KCTD8: variants seen among roughly 807,000 people sequenced by gnomAD.
The protein encoded by KCTD8 is potassium channel tetramerization domain containing 8.
In KCTD8, 27 loss-of-function variants were observed where a neutral mutation model predicts 31.5. That is an observed-to-expected ratio of 0.86 (90% CI 0.63 to 1.18). The LOEUF (loss-of-function observed/expected upper bound fraction) is 1.18. Among genes scored for constraint, KCTD8 ranks in the 50% most tolerant of loss-of-function variants. KCTD8 has a pLI of 0.00. For synonymous variants in KCTD8, 290 were observed against 280.0 expected, an observed-to-expected ratio of 1.04 and a Z score of -0.36; for missense variants, 658 against 647.7, an observed-to-expected ratio of 1.02 and a Z score of -0.17.
chr4:44,337,077 C>T (rs1718769413), intron 1 of KCTD8, among the ~76,000 whole-genome samples: 1 of 151,928 alleles, frequency 6.6e-6, no homozygotes, highest in African/African-American at 2.4e-5. Flanking sequence ...AAGATAGAAA[C>T]ACAAGTAATA....
intron 1 of KCTD8, among the ~76,000 whole-genome samples, chr4:44,426,885 T>C (rs190927003): frequency 0.012 from 1,869 of 151,866 alleles, 27 homozygotes; most frequent in South Asian, 0.032. Flanking sequence ...ATTATAAGCC[T>C]ATTCAATTAT....
intron 1 of KCTD8, among the ~76,000 whole-genome samples, chr4:44,445,256 A>G (rs1721911746): frequency 6.6e-6 from 1 of 152,192 alleles, no homozygotes; most frequent in Non-Finnish European, 1.5e-5. Flanking sequence ...AGTACTCAAG[A>G]CAAATTTTAC....
intron 1 of KCTD8, among the ~76,000 whole-genome samples, chr4:44,345,306 G>C (rs1468637209): frequency 1.3e-5 from 2 of 152,094 alleles, no homozygotes; most frequent in East Asian, 1.9e-4. Flanking sequence ...GAATATCATA[G>C]ATATTCAAAC....
At chr4:44,321,627 C>A (rs2109406393) in intron 1 of KCTD8, among the ~76,000 whole-genome samples, 1 of 152,276 alleles carries the variant, frequency 6.6e-6, no homozygotes, top group East Asian at 1.9e-4. Context: ...ATCCTTCTAG[C>A]TATTTTGAAA....
chr4:44,175,288 G>T, intron 1 of KCTD8, 38 bp from the exon 2 acceptor site: 2 of 1,241,570 alleles, frequency 1.6e-6, no homozygotes, highest in Non-Finnish European at 2.2e-6. Context: ...GAGTAGAACA[G>T]TTGAATAAGA....
At chr4:44,241,489 T>C (rs1339829184) in intron 1 of KCTD8, among the ~76,000 whole-genome samples, 1 of 152,250 alleles carries the variant, frequency 6.6e-6, no homozygotes, top group Non-Finnish European at 1.5e-5. Context: ...AATAGGGTAA[T>C]TAAATAGCTT....
intron 1 of KCTD8, among the ~76,000 whole-genome samples, chr4:44,382,120 A>G (rs960200542): frequency 1.3e-5 from 2 of 152,028 alleles, no homozygotes; most frequent in African/African-American, 4.8e-5. Context: ...CTCTAATATA[A>G]TACTATTTGG....
In KCTD8 at chr4:44,293,296, A is replaced by C. The variant is rs189412944; in HGVS notation, c.962-118046T>G. 33 of 296,838 alleles carry C rather than the reference A, an allele frequency of 1.1e-4. 1 individual carries two copies. The East Asian group carries it at 3.2e-3, about 29-fold the overall frequency. The allele number at this position is 296,838 out of a possible 1,614,324, so 18.4% of individuals were successfully genotyped here. On this transcript the variant is annotated intron_variant, in intron 1 of 1. Coordinates refer to ENST00000360029, the MANE Select transcript of KCTD8 (RefSeq NM_198353.3). ...ACAGTTAGAGTTATCAAATATAGTC[A>C]ACCAAATTACTGAGTCCAAATGCTT...
intron 1 of KCTD8, among the ~76,000 whole-genome samples, chr4:44,200,352 G>GA (rs1057025917): frequency 1.2e-3 from 171 of 140,998 alleles, no homozygotes; most frequent in Admixed American, 1.6e-3. Context: ...CAGACACAAT[G>GA]AAAAAAAAAA....
intron 1 of KCTD8, among the ~76,000 whole-genome samples, chr4:44,298,547 A>G (rs1488662535): frequency 6.6e-6 from 1 of 152,168 alleles, no homozygotes; most frequent in Non-Finnish European, 1.5e-5. Context: ...GTATTTCAAA[A>G]TCACCTGAGG....
At chr4:44,368,813 G>A (rs1050881075) in intron 1 of KCTD8, among the ~76,000 whole-genome samples, 1 of 152,176 alleles carries the variant, frequency 6.6e-6, no homozygotes, top group African/African-American at 2.4e-5. Flanking sequence ...GGGCAATGAT[G>A]ACATTTGAGA....
intron 1 of KCTD8, among the ~76,000 whole-genome samples, chr4:44,342,407 G>C (rs1004452923): frequency 1.3e-5 from 2 of 150,360 alleles, no homozygotes; most frequent in African/African-American, 4.9e-5. Flanking sequence ...ATGTTTTTCT[G>C]AGCAGTAGGT....
chr4:44,220,583 T>C (rs1714778686), intron 1 of KCTD8, among the ~76,000 whole-genome samples: 1 of 152,214 alleles, frequency 6.6e-6, no homozygotes, highest in African/African-American at 2.4e-5. Flanking sequence ...TTGACCTCTC[T>C]GTATTTCTCC....
intron 1 of KCTD8, among the ~76,000 whole-genome samples, chr4:44,284,561 G>A (rs1234277779): frequency 6.6e-6 from 1 of 151,988 alleles, no homozygotes; most frequent in Non-Finnish European, 1.5e-5. Flanking sequence ...TGTAGGCATG[G>A]GCAAAGACTT....
chr4:44,392,055 G>A lies in KCTD8; in HGVS notation c.961+55508C>T, dbSNP rs1720387894. ...AACTGTCAGAATTTCAGAAACAGTA[G>A]CAGACAGGTAGAGGACAAACTTTTG... On this transcript the variant is annotated intron_variant, in intron 1 of 1. Transcript: ENST00000360029. Among the ~76,000 whole-genome samples the A allele has an allele frequency of 2.0e-5, 3 of 152,124 alleles. No homozygotes were observed. In the South Asian group the frequency reaches 6.2e-4, roughly 32 times the overall value.
chr4:44,444,186 G>GAT (rs1211415966), intron 1 of KCTD8, among the ~76,000 whole-genome samples: 1 of 152,164 alleles, frequency 6.6e-6, no homozygotes, highest in Non-Finnish European at 1.5e-5. Flanking sequence ...CACTTAAGGA[G>GAT]ATATGAATCT....
At chr4:44,404,527 A>G (rs1347653933) in intron 1 of KCTD8, among the ~76,000 whole-genome samples, 1 of 152,200 alleles carries the variant, frequency 6.6e-6, no homozygotes, top group African/African-American at 2.4e-5. Flanking sequence ...TAATGGGACA[A>G]TAACTACATA....
intron 1 of KCTD8, among the ~76,000 whole-genome samples, chr4:44,268,856 G>A (rs1003647850): frequency 6.6e-6 from 1 of 151,934 alleles, no homozygotes; most frequent in Admixed American, 6.6e-5. Flanking sequence ...CCTCTTCAAG[G>A]AGAACTACAA....
At chr4:44,319,757 A>G (rs1165886487) in intron 1 of KCTD8, among the ~76,000 whole-genome samples, 1 of 152,200 alleles carries the variant, frequency 6.6e-6, no homozygotes, top group African/African-American at 2.4e-5. Flanking sequence ...TGGAATCTCA[A>G]TACCAAAAAG....
Sources: allele counts gnomAD v4.1 joint callset (sites outside exome capture counted in the v4.1 genomes callset), GRCh38; gene constraint gnomAD v4.1.1; transcripts MANE v1.5; gene names NCBI Gene and HGNC (gene_info 2026-07-23, HGNC 2026-07-21).